Variants in SNTG1 observed in about 807,000 individuals in gnomAD.
SNTG1 encodes syntrophin gamma 1, also known as gamma-1-syntrophin.
SNTG1 carries 39 observed loss-of-function variants against 74.7 expected under a neutral mutation model. That is an observed-to-expected ratio of 0.52 (90% CI 0.40 to 0.68). The LOEUF (loss-of-function observed/expected upper bound fraction) is 0.68, where lower values mean the gene tolerates loss of function less well. Among genes scored for constraint, SNTG1 ranks in the 30% least tolerant of loss-of-function variants. The pLI is 0.00. For missense variants in SNTG1, 685 were observed against 609.5 expected, an observed-to-expected ratio of 1.12 and a Z score of -1.30; for synonymous variants, 254 against 217.1, an observed-to-expected ratio of 1.17 and a Z score of -1.49.
intron 13 of SNTG1, among the ~76,000 whole-genome samples, chr8:50,638,851 C>T (rs2095055120): frequency 6.6e-6 from 1 of 151,966 alleles, no homozygotes; most frequent in African/African-American, 2.4e-5. Context: ...TTTTTCTGCA[C>T]CAACAAAATA....
chr8:50,709,080 T>G, intron 17 of SNTG1, 102 bp downstream of exon 17: 1 of 876,666 alleles, frequency 1.1e-6, no homozygotes, highest in Non-Finnish European at 1.8e-6. Flanking sequence ...ATTGTAATCG[T>G]GTCAAATTTA....
chr8:50,018,002 T>C (rs1376482100), intron 1 of SNTG1, among the ~76,000 whole-genome samples: 1 of 151,808 alleles, frequency 6.6e-6, no homozygotes, highest in Admixed American at 6.6e-5. Flanking sequence ...ATACAAAAAT[T>C]TGAAAGAAAT....
At chr8:49,958,008 TA>T (rs1001668797) in intron 1 of SNTG1, among the ~76,000 whole-genome samples, 118 of 150,738 alleles carry the variant, frequency 7.8e-4, no homozygotes, top group African/African-American at 2.0e-3. Flanking sequence ...GTCTAGCTCT[TA>T]AAAAAAAAAT....
chr8:50,230,621 A>C (rs2085568322), intron 2 of SNTG1, among the ~76,000 whole-genome samples: 1 of 151,360 alleles, frequency 6.6e-6, no homozygotes, highest in East Asian at 1.9e-4. Flanking sequence ...AATTCTACCC[A>C]ACATTTAAGA....
At chr8:50,457,301 T>C (rs1005192530) in intron 8 of SNTG1, among the ~76,000 whole-genome samples, 10 of 152,162 alleles carry the variant, frequency 6.6e-5, no homozygotes, top group Non-Finnish European at 1.0e-4. Context: ...TGGGGCTAAC[T>C]ATGGGCCTCA....
At chr8:50,714,124 T>C (rs562356520) in intron 17 of SNTG1, among the ~76,000 whole-genome samples, 1 of 152,080 alleles carries the variant, frequency 6.6e-6, no homozygotes, top group South Asian at 2.1e-4. Flanking sequence ...TTGTCAGATT[T>C]GTCAAAGATC....
chr8:50,292,078 G>A (rs1375485084), intron 2 of SNTG1, among the ~76,000 whole-genome samples: 1 of 152,070 alleles, frequency 6.6e-6, no homozygotes, highest in East Asian at 1.9e-4. Context: ...TTTGAATCTG[G>A]AATTCAGGGA....
At chr8:50,190,060 A>C (rs2083511880) in intron 2 of SNTG1, among the ~76,000 whole-genome samples, 1 of 152,116 alleles carries the variant, frequency 6.6e-6, no homozygotes, top group African/African-American at 2.4e-5. Flanking sequence ...GCTTTCATTC[A>C]TTTATTAATC....
chr8:50,530,243 A>G lies in SNTG1; in HGVS notation c.533A>G (p.Tyr178Cys). Reference sequence around the variant, plus strand: ...TGTGACAGTGGCTTACATCTCAACTACCATCCCAACAATACAGTAAGATGA... The same window carrying G: ...TGTGACAGTGGCTTACATCTCAACTGCCATCCCAACAATACAGTAAGATGA... Reference protein sequence around the residue: ...PLCDSGLHLNYHPNNTDTLSC... With the variant: ...PLCDSGLHLNCHPNNTDTLSC... The change falls in exon 10 of 19, where the codon TAC becomes TGC. Residue 178 changes from tyrosine to cysteine, a missense_variant. Coordinates refer to ENST00000642720, the MANE Select transcript of SNTG1 (RefSeq NM_018967.5). The G allele has an allele frequency of 1.9e-6, 3 of 1,613,782 alleles. No individual in the cohort carries two copies. Among genetic ancestry groups the G allele is most frequent in the East Asian group, 2.2e-5 (1 of 44,840 alleles).
At chr8:50,783,033 C>G (rs182489535) in intron 18 of SNTG1, among the ~76,000 whole-genome samples, 1 of 152,108 alleles carries the variant, frequency 6.6e-6, no homozygotes, top group Non-Finnish European at 1.5e-5. Flanking sequence ...TCATGAACCG[C>G]AAATGCTGCT....
intron 8 of SNTG1, among the ~76,000 whole-genome samples, chr8:50,499,708 G>A (rs770461987): frequency 2.0e-5 from 3 of 151,352 alleles, no homozygotes; most frequent in African/African-American, 4.8e-5. Context: ...AGGAAGTTCC[G>A]TTCTACCATT....
chr8:50,400,830 G>A (rs1464633862), intron 3 of SNTG1, among the ~76,000 whole-genome samples: 3 of 152,066 alleles, frequency 2.0e-5, no homozygotes, highest in African/African-American at 7.2e-5. Context: ...AGATGTTGGA[G>A]AACAGGTACA....
chr8:50,374,997 G>T (rs2092346754), intron 2 of SNTG1, among the ~76,000 whole-genome samples: 1 of 152,172 alleles, frequency 6.6e-6, no homozygotes, highest in South Asian at 2.1e-4. Flanking sequence ...GGATAAGGAA[G>T]AACTTGCTAT....
intron 12 of SNTG1, among the ~76,000 whole-genome samples, chr8:50,560,166 G>T (rs2094478985): frequency 6.6e-6 from 1 of 152,164 alleles, no homozygotes; most frequent in Admixed American, 6.5e-5. Flanking sequence ...AAACCACAGT[G>T]AGGTACCATC....
chr8:50,262,437 G>A (rs2087241244), intron 2 of SNTG1, among the ~76,000 whole-genome samples: 1 of 152,144 alleles, frequency 6.6e-6, no homozygotes. Context: ...TTGAGACGGA[G>A]TGTCGCTCTG....
At chr8:50,204,417 T>C (rs1379851741) in intron 2 of SNTG1, among the ~76,000 whole-genome samples, 3 of 152,110 alleles carry the variant, frequency 2.0e-5, no homozygotes, top group South Asian at 4.1e-4. Flanking sequence ...TGCCAATGTG[T>C]CTGTACCTTG....
chr8:50,681,567 A>G (rs1396377), intron 15 of SNTG1, among the ~76,000 whole-genome samples: 50,600 of 152,120 alleles, frequency 0.33, 10,888 homozygotes, highest in African/African-American at 0.61. Flanking sequence ...AAAACTGACA[A>G]CAATGCTATT....
chr8:50,769,468 C>T (rs2095621906), intron 18 of SNTG1, among the ~76,000 whole-genome samples: 1 of 151,946 alleles, frequency 6.6e-6, no homozygotes, highest in Non-Finnish European at 1.5e-5. Context: ...TAACCAAGTA[C>T]TGTATTATGT....
At chr8:50,131,217 A>G (rs967359214) in intron 1 of SNTG1, among the ~76,000 whole-genome samples, 2 of 152,148 alleles carry the variant, frequency 1.3e-5, no homozygotes, top group Admixed American at 6.6e-5. Context: ...AGCAAATGCA[A>G]TCAGGAAAGC....
Sources: allele counts gnomAD v4.1 joint callset (sites outside exome capture counted in the v4.1 genomes callset), GRCh38; gene constraint gnomAD v4.1.1; transcripts MANE v1.5; gene names NCBI Gene and HGNC (gene_info 2026-07-23, HGNC 2026-07-21).